Variants in NPTN observed in about 807,000 individuals in gnomAD.
NPTN encodes the protein SDR-1.
In NPTN, 5 loss-of-function variants were observed where a neutral mutation model predicts 42.7. The ratio of observed to expected loss-of-function variants is 0.12; its 90% CI spans 0.06 to 0.25. The LOEUF (loss-of-function observed/expected upper bound fraction) is 0.25, where lower values mean the gene tolerates loss of function less well. Ranked by LOEUF, NPTN falls within the 10% of genes least tolerant of loss-of-function variation. The probability of loss-of-function intolerance (pLI) is 1.00; values close to 1 mark genes in which losing one functional copy is unlikely to be tolerated. For synonymous variants in NPTN, 180 were observed against 201.9 expected (o/e 0.89, Z 0.92); for missense variants, 307 against 525.4 (o/e 0.58, Z 4.06).
At chr15:73,566,589 G>T (rs895251198) in intron 6 of NPTN, among the ~76,000 whole-genome samples, 1 of 152,184 alleles carries the variant, frequency 6.6e-6, no homozygotes, top group African/African-American at 2.4e-5. Context: ...TTCCTCCAGG[G>T]CCTGGGGAGG....
chr15:73,580,909 C>T (rs371599169), intron 4 of NPTN, among the ~76,000 whole-genome samples: 12 of 152,128 alleles, frequency 7.9e-5, no homozygotes, highest in African/African-American at 2.9e-4. Context: ...GGGCAGATCA[C>T]GTCAAATACT....
chr15:73,578,056 T>G (rs1408306335), intron 4 of NPTN, among the ~76,000 whole-genome samples: 4 of 152,164 alleles, frequency 2.6e-5, no homozygotes, highest in Admixed American at 2.0e-4. Context: ...AGGATTGTGC[T>G]TGTTATGTAC....
rs1277120114 is a variant in NPTN, at chr15:73,597,101, G to A, written c.360C>T (p.Asn120=). 4.3e-6 allele frequency: 7 copies of A among 1,614,128 alleles called. No individual in the cohort carries two copies. The highest frequency in any genetic ancestry group is 1.6e-4 in the Middle Eastern group (1 of 6,062). The change falls in exon 2 of 9, where the codon AAC becomes AAT. Residue 120 remains asparagine (N), a synonymous_variant. Transcript: ENST00000345330. The surrounding 1 kb of genome is among the most constrained non-coding windows in gnomAD (Gnocchi z 6.3). ...DSGTYECRAS[N]DPKRNDLRQN... Reference sequence around the variant, plus strand: ...GCCTCAAGTCATTCCTCTTGGGGTCGTTGCTGGCCCTGCACTCGTAAGTCC... The same window carrying A: ...GCCTCAAGTCATTCCTCTTGGGGTCATTGCTGGCCCTGCACTCGTAAGTCC...
rs116248737 is a variant in NPTN at position 73,562,729 on chromosome 15, A to G, written c.1136+507T>C. Among the ~76,000 whole-genome samples, 1,214 of 152,304 alleles carry G rather than the reference A, an allele frequency of 8.0e-3. 16 individuals carry two copies. The highest frequency in any genetic ancestry group is 0.028 in the African/African-American group (1,184 of 41,564). ...GTTCAGCCTCAAATTGCATTACATG[A>G]GTTAAACTCGGTCAGTAACAACTTT... On this transcript the variant is annotated intron_variant, in intron 7 of 8. Coordinates refer to ENST00000345330, the MANE Select transcript of NPTN (RefSeq NM_012428.4).
At chr15:73,606,279 G>T (rs1897290429) in intron 1 of NPTN, among the ~76,000 whole-genome samples, 1 of 152,146 alleles carries the variant, frequency 6.6e-6, no homozygotes. Flanking sequence ...AAATGACCAT[G>T]ACTTTTTTAA....
At chr15:73,589,166 T>C (rs752940602) in intron 3 of NPTN, among the ~76,000 whole-genome samples, 17 of 151,862 alleles carry the variant, frequency 1.1e-4, no homozygotes, top group Non-Finnish European at 2.4e-4. Context: ...ACGCTATCTC[T>C]ACAAGAAATA....
chr15:73,595,107 G>A (rs1896773344), intron 2 of NPTN, among the ~76,000 whole-genome samples: 1 of 152,110 alleles, frequency 6.6e-6, no homozygotes. Flanking sequence ...AGTAAACTGG[G>A]GAATGCTATG....
chr15:73,571,917 A>T (rs1371519195), intron 5 of NPTN, among the ~76,000 whole-genome samples: 1 of 152,216 alleles, frequency 6.6e-6, no homozygotes, highest in Non-Finnish European at 1.5e-5. Flanking sequence ...TCAGATTAAA[A>T]CACATACTGC....
intron 6 of NPTN, chr15:73,567,232 A>T (rs984325389): frequency 1.0e-6 from 1 of 985,382 alleles, no homozygotes; most frequent in Non-Finnish European, 1.2e-6. Flanking sequence ...GTGCATTCAT[A>T]TAAAAAAAGT....
intron 4 of NPTN, among the ~76,000 whole-genome samples, chr15:73,585,613 TG>T (rs1303546063): frequency 2.0e-5 from 3 of 152,182 alleles, no homozygotes; most frequent in Non-Finnish European, 4.4e-5. Flanking sequence ...ATCCAGGTGT[TG>T]GGGGGAGAAG....
At position 73,601,389 on chromosome 15, in the gene NPTN, G is replaced by T. The variant is rs370043517; in HGVS notation, c.92-4020C>A. Among the ~76,000 whole-genome samples the T allele has an allele frequency of 2.6e-5, 4 of 152,310 alleles. No homozygotes were observed. The East Asian group carries it at 5.8e-4, about 22-fold the overall frequency. The stretch of plus-strand genomic sequence containing the variant: ...AAGAACCCTCTTTACAAAGTACTGT[G>T]AAATCACAATTAGCAAGGGAAAGTT... On this transcript the variant is annotated intron_variant, in intron 1 of 8. Transcript: ENST00000345330.
intron 5 of NPTN, among the ~76,000 whole-genome samples, 192 bp downstream of exon 5, chr15:73,573,470 G>C (rs182819429): frequency 3.5e-4 from 53 of 152,238 alleles, no homozygotes; most frequent in Non-Finnish European, 5.9e-4. Flanking sequence ...AACAAATCAC[G>C]TACAGGGATT....
intron 1 of NPTN, chr15:73,632,859 C>G (rs1898831832): frequency 2.7e-6 from 1 of 366,286 alleles, no homozygotes; most frequent in African/African-American, 2.1e-5. Context: ...CGACCCGGCA[C>G]GACGAGCCCC....
intron 1 of NPTN, among the ~76,000 whole-genome samples, chr15:73,630,852 TATA>T (rs1349037971): frequency 6.6e-6 from 1 of 152,234 alleles, no homozygotes; most frequent in Non-Finnish European, 1.5e-5. Flanking sequence ...GCTTGAATAT[TATA>T]ATAAGACATG....
At chr15:73,618,747 G>A (rs756276186) in intron 1 of NPTN, among the ~76,000 whole-genome samples, 1 of 151,986 alleles carries the variant, frequency 6.6e-6, no homozygotes, top group African/African-American at 2.4e-5. Flanking sequence ...GGGGTAGAAG[G>A]ATCACTTGAG....
chr15:73,604,320 G>A (rs1356548949), intron 1 of NPTN, among the ~76,000 whole-genome samples: 1 of 152,128 alleles, frequency 6.6e-6, no homozygotes, highest in African/African-American at 2.4e-5. Context: ...GCCAGGTGTG[G>A]TGGTGCAAGT....
At chr15:73,564,678 T>TA (rs1318414393) in intron 6 of NPTN, among the ~76,000 whole-genome samples, 2 of 152,042 alleles carry the variant, frequency 1.3e-5, no homozygotes, top group African/African-American at 4.8e-5. Context: ...ACATACCAGG[T>TA]ACTAAGACAC....
chr15:73,574,139 T>C (rs1263169107), intron 4 of NPTN, among the ~76,000 whole-genome samples: 1 of 152,214 alleles, frequency 6.6e-6, no homozygotes, highest in East Asian at 1.9e-4. Context: ...TATTATCTCT[T>C]CTATCGGCCC....
At position 73,627,250 on chromosome 15, in the gene NPTN, C is replaced by T. The variant is rs551354140; in HGVS notation, c.91+5875G>A. Among the ~76,000 whole-genome samples, 60 of 152,206 alleles carry T rather than the reference C, an allele frequency of 3.9e-4. 1 individual carries two copies. The highest frequency in any genetic ancestry group is 1.4e-3 in the African/African-American group (58 of 41,544). On this transcript the variant is annotated intron_variant, in intron 1 of 8. Coordinates refer to ENST00000345330, the MANE Select transcript of NPTN (RefSeq NM_012428.4). ...GACTCCATCTTTAAAAAAAAATTGA[C>T]ATATTTCTGGAAAATACCATAAAGT...
Sources: gnomAD v4.1 joint callset for allele counts (sites outside exome capture counted in the v4.1 genomes callset) on GRCh38, gnomAD v4.1.1 for gene constraint, Gnocchi (gnomAD v3.1) non-coding constraint, MANE v1.5 for transcripts, NCBI Gene and HGNC (gene_info 2026-07-23, HGNC 2026-07-21) for gene names.